Variants in LRBA observed in about 807,000 individuals in gnomAD.
LRBA encodes the protein lipopolysaccharide-responsive and beige-like anchor protein.
A neutral mutation model predicts 330.0 loss-of-function variants in LRBA; 176 were observed. The ratio of observed to expected loss-of-function variants is 0.53; its 90% CI spans 0.47 to 0.60. LRBA has a LOEUF of 0.60. Ranked by LOEUF, LRBA falls within the 20% of genes least tolerant of loss-of-function variation. The probability of loss-of-function intolerance (pLI) is 0.00; values close to 1 mark genes in which losing one functional copy is unlikely to be tolerated. For synonymous variants in LRBA, 1,230 were observed against 1,193.0 expected (o/e 1.03, Z -0.64); for missense variants, 3,259 against 3,444.8 (o/e 0.95, Z 1.35).
chr4:150,381,660 T>G (rs1742282934), intron 47 of LRBA, among the ~76,000 whole-genome samples: 1 of 151,040 alleles, frequency 6.6e-6, no homozygotes, highest in Admixed American at 6.6e-5. Context: ...GCTATAAACA[T>G]TAATGAATAT....
intron 47 of LRBA, among the ~76,000 whole-genome samples, chr4:150,404,416 A>C (rs1745905316): frequency 6.6e-6 from 1 of 152,190 alleles, no homozygotes; most frequent in South Asian, 2.1e-4. Context: ...TTGAGAGCAT[A>C]GTGATAAGAA....
intron 48 of LRBA, among the ~76,000 whole-genome samples, chr4:150,345,509 C>G (rs1026607471): frequency 3.9e-5 from 6 of 152,072 alleles, no homozygotes; most frequent in African/African-American, 1.4e-4. Context: ...TAACTGTGAG[C>G]AACATAAGGG....
At chr4:150,403,689 C>T (rs966693423) in intron 47 of LRBA, among the ~76,000 whole-genome samples, 2 of 151,768 alleles carry the variant, frequency 1.3e-5, no homozygotes, top group Non-Finnish European at 2.9e-5. Context: ...ATTTCAAAAC[C>T]TTAAAGAAAG....
At chr4:150,536,825 T>A (rs1286101613) in intron 40 of LRBA, among the ~76,000 whole-genome samples, 1 of 151,968 alleles carries the variant, frequency 6.6e-6, no homozygotes, top group Non-Finnish European at 1.5e-5. Context: ...TGAAAAGAAA[T>A]CAGAGATCAC....
intron 35 of LRBA, among the ~76,000 whole-genome samples, chr4:150,759,348 C>A (rs377149082): frequency 6.6e-6 from 1 of 152,288 alleles, no homozygotes; most frequent in East Asian, 1.9e-4. Flanking sequence ...TCTCTCTGAC[C>A]TTACTTCCTA....
At chr4:150,354,950 A>G (rs1737641660) in intron 47 of LRBA, among the ~76,000 whole-genome samples, 1 of 151,960 alleles carries the variant, frequency 6.6e-6, no homozygotes, top group Non-Finnish European at 1.5e-5. Flanking sequence ...GTGTGTGTAT[A>G]TATATATGTG....
At chr4:150,378,407 C>G (rs1741690800) in intron 47 of LRBA, among the ~76,000 whole-genome samples, 1 of 152,060 alleles carries the variant, frequency 6.6e-6, no homozygotes, top group Non-Finnish European at 1.5e-5. Flanking sequence ...AATCATGTTT[C>G]CAGATGAAAA....
intron 37 of LRBA, among the ~76,000 whole-genome samples, chr4:150,626,528 C>T (rs140088626): frequency 1.3e-5 from 2 of 151,754 alleles, no homozygotes; most frequent in Non-Finnish European, 2.9e-5. Flanking sequence ...GTATCACATA[C>T]CATTAAGAGT....
At chr4:150,516,042 G>T (rs1274278416) in intron 40 of LRBA, among the ~76,000 whole-genome samples, 1 of 151,590 alleles carries the variant, frequency 6.6e-6, no homozygotes, top group African/African-American at 2.4e-5. Flanking sequence ...TTTTTTAAAG[G>T]CTTCATAAAA....
intron 33 of LRBA, among the ~76,000 whole-genome samples, chr4:150,800,169 G>T (rs1239264703): frequency 1.3e-5 from 2 of 152,194 alleles, no homozygotes; most frequent in East Asian, 3.8e-4. Context: ...TTTCTAGTTG[G>T]ATATGAATAT....
chr4:150,559,643 TAATATAA>T (rs1767836986), intron 40 of LRBA, among the ~76,000 whole-genome samples: 1 of 56,978 alleles, frequency 1.8e-5, no homozygotes, highest in African/African-American at 6.6e-5. Flanking sequence ...TATATTTATA[TAATATAA>T]TATATAATTA....
At chr4:150,639,071 G>T (rs1322909247) in intron 37 of LRBA, among the ~76,000 whole-genome samples, 1 of 138,372 alleles carries the variant, frequency 7.2e-6, no homozygotes, top group African/African-American at 2.7e-5. Context: ...GATGAAATTG[G>T]AAATCATCAT....
Position 150,603,404 on chromosome 4 carries a change from C to T in LRBA, c.5922-4273G>A, listed in dbSNP as rs760044869. Among the ~76,000 whole-genome samples, 37 of 152,124 alleles carry T rather than the reference C, an allele frequency of 2.4e-4. 1 individual carries two copies. Among genetic ancestry groups the T allele is most frequent in the Non-Finnish European group, 4.6e-4 (31 of 68,026 alleles). On this transcript the variant is annotated intron_variant, in intron 37 of 56. Transcript: ENST00000651943. ...GTTTCTACTTTTTAAAAAACTTTCA[C>T]GTTATGTGTTTGTATACACACACCT...
At chr4:150,334,692 T>C (rs1472303168) in intron 48 of LRBA, among the ~76,000 whole-genome samples, 2 of 151,946 alleles carry the variant, frequency 1.3e-5, no homozygotes, top group African/African-American at 4.8e-5. Context: ...CCAATTGATA[T>C]CTTACACAAA....
intron 35 of LRBA, among the ~76,000 whole-genome samples, chr4:150,740,476 G>A (rs1274128205): frequency 6.6e-6 from 1 of 151,856 alleles, no homozygotes; most frequent in Non-Finnish European, 1.5e-5. Context: ...GAGGGTCACT[G>A]GATTTAAGGC....
At chr4:150,939,938 G>A (rs1735487835) in intron 2 of LRBA, among the ~76,000 whole-genome samples, 1 of 151,954 alleles carries the variant, frequency 6.6e-6, no homozygotes. Flanking sequence ...ATATATCAAG[G>A]TAACACACTG....
rs752373103 is a variant in LRBA, at chr4:150,893,167, A to AT, written c.2068-19dup. ...TTGTCATCCTATAATCATTTTAGAAATTTTTTTTAAAAAATGAGGAAAAAA... is the reference window on the plus strand; with the variant it reads ...TTGTCATCCTATAATCATTTTAGAAATTTTTTTTTAAAAAATGAGGAAAAAA... On this transcript the variant is annotated intron_variant, in intron 16 of 56. Transcript: ENST00000651943. 53 of 1,501,360 alleles carry AT rather than the reference A, an allele frequency of 3.5e-5. No homozygotes were observed. The highest frequency in any genetic ancestry group is 2.2e-4 in the South Asian group (18 of 82,112). The allele number at this position is 1,501,360 out of a possible 1,614,324, so 93.0% of individuals were successfully genotyped here.
chr4:150,780,435 T>TTCC (rs900229616), intron 34 of LRBA, among the ~76,000 whole-genome samples: 4 of 151,906 alleles, frequency 2.6e-5, no homozygotes, highest in African/African-American at 9.7e-5. Flanking sequence ...CATATACACT[T>TTCC]TATGTTACAG....
At chr4:150,620,185 C>G (rs530300857) in intron 37 of LRBA, among the ~76,000 whole-genome samples, 1 of 151,904 alleles carries the variant, frequency 6.6e-6, no homozygotes, top group South Asian at 2.1e-4. Context: ...ATACAAATGG[C>G]CAACAAACAT....
Sources: gnomAD v4.1 joint callset for allele counts (sites outside exome capture counted in the v4.1 genomes callset) on GRCh38, gnomAD v4.1.1 for gene constraint, MANE v1.5 for transcripts, NCBI Gene and HGNC (gene_info 2026-07-23, HGNC 2026-07-21) for gene names.